AK8: variants seen among roughly 807,000 people sequenced by gnomAD.
AK8 encodes adenylate kinase 8, also known as ATP-AMP transphosphorylase 8.
Under a neutral mutation model 54.6 loss-of-function variants are expected in AK8, and 44 were observed. That is an observed-to-expected ratio of 0.81 (90% CI 0.63 to 1.04). The LOEUF (loss-of-function observed/expected upper bound fraction) is 1.04, where lower values mean the gene tolerates loss of function less well. Among genes scored for constraint, AK8 ranks in the 50% least tolerant of loss-of-function variants. The pLI, the probability that AK8 is intolerant of heterozygous loss-of-function variation, is 0.00. For synonymous variants in AK8, 239 were observed against 245.6 expected, an observed-to-expected ratio of 0.97 and a Z score of 0.25; for missense variants, 555 against 613.6, an observed-to-expected ratio of 0.90 and a Z score of 1.01.
Position 132,810,796 on chromosome 9 carries a change from C to T in AK8, c.979+3842G>A, listed in dbSNP as rs1040318752. The stretch of plus-strand genomic sequence containing the variant: ...CTGAGAACTAAAGGGCCGCGATGAG[C>T]CACTGTTCTCTTTCCAAGCAATTGC... On this transcript the variant is annotated intron_variant, in intron 10 of 12. Coordinates refer to ENST00000298545, the MANE Select transcript of AK8 (RefSeq NM_152572.3). 3.3e-5 allele frequency among the ~76,000 whole-genome samples: 5 copies of T among 152,238 alleles called. 1 individual carries two copies. The highest frequency in any genetic ancestry group is 1.9e-4 in the East Asian group (1 of 5,176).
chr9:132,837,656 G>A lies in AK8; in HGVS notation c.403-8930C>T, dbSNP rs868306732. ...ACATCCACAGAGCATATCGGAACACGCGTTCCTGTCCACATGGAGTGCTAC... is the reference window on the plus strand; with the variant it reads ...ACATCCACAGAGCATATCGGAACACACGTTCCTGTCCACATGGAGTGCTAC... On this transcript the variant is annotated intron_variant, in intron 5 of 12. Coordinates refer to ENST00000298545, the MANE Select transcript of AK8 (RefSeq NM_152572.3). The surrounding 1 kb of genome is among the most constrained non-coding windows in gnomAD (Gnocchi z 4.3). 9.2e-5 allele frequency among the ~76,000 whole-genome samples: 14 copies of A among 152,164 alleles called. No homozygotes were observed. Among genetic ancestry groups the A allele is most frequent in the South Asian group, 8.3e-4 (4 of 4,830 alleles).
At position 132,808,918 on chromosome 9, in the gene AK8, A is replaced by G. The variant is rs531216801; in HGVS notation, c.979+5720T>C. Among the ~76,000 whole-genome samples the G allele has an allele frequency of 2.6e-5, 4 of 152,282 alleles. No individual in the cohort carries two copies. The South Asian group carries it at 8.3e-4, about 32-fold the overall frequency. On this transcript the variant is annotated intron_variant, in intron 10 of 12. Coordinates refer to ENST00000298545, the MANE Select transcript of AK8 (RefSeq NM_152572.3). ...ATGAGGGGGTACCCAGGAAGACTCT[A>G]TAGTGCCTGGCTTGGGGAGTGGTGG...
In AK8 at chr9:132,865,837, T is replaced by C. The variant is rs530573854; in HGVS notation, c.219+1067A>G. 4.0e-5 allele frequency among the ~76,000 whole-genome samples: 6 copies of C among 149,954 alleles called. No homozygotes were observed. In the South Asian group the frequency reaches 1.1e-3, roughly 26 times the overall value. ...AAAAAATAAAAATAAAAATAAAAAATAAAAAATAAAGGTAAAAAGGGTTCC... is the reference window on the plus strand; with the variant it reads ...AAAAAATAAAAATAAAAATAAAAAACAAAAAATAAAGGTAAAAAGGGTTCC... On this transcript the variant is annotated intron_variant, in intron 3 of 12. Coordinates refer to ENST00000298545, the MANE Select transcript of AK8 (RefSeq NM_152572.3).
chr9:132,745,772 A>G (rs1404282968), intron 11 of AK8, among the ~76,000 whole-genome samples: 2 of 152,156 alleles, frequency 1.3e-5, no homozygotes, highest in African/African-American at 2.4e-5. Flanking sequence ...GACAATCCCC[A>G]AGCTAAGGGT....
chr9:132,813,092 A>G (rs950165774), intron 10 of AK8, among the ~76,000 whole-genome samples: 4 of 128,162 alleles, frequency 3.1e-5, no homozygotes, highest in Non-Finnish European at 6.4e-5. Flanking sequence ...GAGCCTACAC[A>G]GATCACCTCA....
chr9:132,845,695 C>T (rs998350540), intron 5 of AK8, among the ~76,000 whole-genome samples: 1 of 151,270 alleles, frequency 6.6e-6, no homozygotes, highest in African/African-American at 2.4e-5. Flanking sequence ...GCAGGAGAAT[C>T]GCCTGAACCT....
At chr9:132,749,930 C>T (rs1837826680) in intron 11 of AK8, among the ~76,000 whole-genome samples, 1 of 151,682 alleles carries the variant, frequency 6.6e-6, no homozygotes, top group Non-Finnish European at 1.5e-5. Context: ...TTATTTCTTC[C>T]CCAACCTCCT....
At position 132,790,273 on chromosome 9, in the gene AK8, C is replaced by T. The variant is rs192522092; in HGVS notation, c.1121+2361G>A. Among the ~76,000 whole-genome samples, 1,336 of 150,208 alleles carry T rather than the reference C, an allele frequency of 8.9e-3. 14 individuals carry two copies. The highest frequency in any genetic ancestry group is 0.027 in the Middle Eastern group (8 of 292). ...TATACTTCTTTTTTTTTTTTTGAGA[C>T]GGAGTCTCACTCTGTCGCTCAGGCT... On this transcript the variant is annotated intron_variant, in intron 11 of 12. Coordinates refer to ENST00000298545, the MANE Select transcript of AK8 (RefSeq NM_152572.3). The surrounding 1 kb of genome is among the most constrained non-coding windows in gnomAD (Gnocchi z 4.1).
intron 10 of AK8, among the ~76,000 whole-genome samples, chr9:132,807,075 T>C (rs1428301203): frequency 5.3e-5 from 8 of 152,176 alleles, no homozygotes; most frequent in African/African-American, 9.7e-5. Context: ...GGGAAAGTCA[T>C]TACCAATTAA....
At chr9:132,780,906 G>A (rs1385232630) in intron 11 of AK8, among the ~76,000 whole-genome samples, 1 of 152,126 alleles carries the variant, frequency 6.6e-6, no homozygotes, top group Non-Finnish European at 1.5e-5. Context: ...CCTTGTGGGG[G>A]AGGGTTAAGG....
intron 5 of AK8, among the ~76,000 whole-genome samples, chr9:132,836,244 G>A (rs1161939897): frequency 6.6e-6 from 1 of 152,194 alleles, no homozygotes; most frequent in East Asian, 1.9e-4. Flanking sequence ...AGCTATAATT[G>A]TGCCACTGCA....
intron 6 of AK8, among the ~76,000 whole-genome samples, 199 bp from the exon 7 acceptor site, chr9:132,828,283 C>A (rs1161934991): frequency 6.6e-6 from 1 of 152,228 alleles, no homozygotes; most frequent in Non-Finnish European, 1.5e-5. Flanking sequence ...AACGTTGGGA[C>A]AGAGCACGGC....
intron 5 of AK8, among the ~76,000 whole-genome samples, chr9:132,851,176 C>T (rs921801019): frequency 2.0e-5 from 3 of 152,188 alleles, no homozygotes; most frequent in Non-Finnish European, 4.4e-5. Flanking sequence ...AGGGGAGATA[C>T]CTCTGTGGGG....
chr9:132,849,979 T>G (rs574911348), intron 5 of AK8, among the ~76,000 whole-genome samples: 1 of 152,178 alleles, frequency 6.6e-6, no homozygotes, highest in East Asian at 1.9e-4. Context: ...ACTCCTGGAC[T>G]TAAGTGATCT....
At position 132,814,682 on chromosome 9, in the gene AK8, G is replaced by A. The variant is rs371802946; in HGVS notation, c.935C>T (p.Thr312Met). 3.5e-5 allele frequency: 57 copies of A among 1,613,982 alleles called. No homozygotes were observed. The highest frequency in any genetic ancestry group is 2.5e-4 in the African/African-American group (19 of 74,892). The stretch of plus-strand genomic sequence containing the variant: ...GAAGGGCTGGATGAGCTCGCCAAAC[G>A]TGGTCCTATCTGCCACAGCCTCTTT... ...LLKEAVADRTTFGELIQPFFE... is the reference protein window; with the variant it reads ...LLKEAVADRTMFGELIQPFFE... Residue 312 changes from threonine to methionine, a missense_variant, in exon 10 of 13, where the codon ACG becomes ATG. Coordinates refer to ENST00000298545, the MANE Select transcript of AK8 (RefSeq NM_152572.3).
chr9:132,762,866 G>T (rs1165903706), intron 11 of AK8, among the ~76,000 whole-genome samples: 1 of 152,164 alleles, frequency 6.6e-6, no homozygotes, highest in African/African-American at 2.4e-5. Flanking sequence ...GACAGAGCGA[G>T]ACTCTATCTC....
At chr9:132,800,661 C>T (rs779578230) in intron 10 of AK8, among the ~76,000 whole-genome samples, 3 of 152,152 alleles carry the variant, frequency 2.0e-5, no homozygotes, top group Non-Finnish European at 4.4e-5. Context: ...CAGACAATGG[C>T]GCCAGGAAAT....
At chr9:132,842,502 C>A (rs1388016315) in intron 5 of AK8, among the ~76,000 whole-genome samples, 1 of 152,102 alleles carries the variant, frequency 6.6e-6, no homozygotes, top group East Asian at 1.9e-4. Flanking sequence ...TGGGGCTGGG[C>A]AAGGCCAGGG....
chr9:132,736,784 CA>C (rs201150328), intron 11 of AK8, among the ~76,000 whole-genome samples: 156 of 66,234 alleles, frequency 2.4e-3, no homozygotes, highest in African/African-American at 2.6e-3. Flanking sequence ...GAATCCATCT[CA>C]AAAAAAAAAA....
Sources: gnomAD v4.1 joint callset for allele counts (sites outside exome capture counted in the v4.1 genomes callset) on GRCh38, gnomAD v4.1.1 for gene constraint, Gnocchi (gnomAD v3.1) non-coding constraint, MANE v1.5 for transcripts, NCBI Gene and HGNC (gene_info 2026-07-23, HGNC 2026-07-21) for gene names.